Variants in CDK17 observed in about 807,000 individuals in gnomAD.
CDK17 encodes cyclin-dependent kinase 17.
In CDK17, 24 loss-of-function variants were observed where a neutral mutation model predicts 77.6. That is an observed-to-expected ratio of 0.31 (90% CI 0.22 to 0.44). The LOEUF (loss-of-function observed/expected upper bound fraction) is 0.44, where lower values mean the gene tolerates loss of function less well. CDK17 is among the 20% of genes least tolerant of loss of function. The probability of loss-of-function intolerance (pLI) is 1.00; values close to 1 mark genes in which losing one functional copy is unlikely to be tolerated. For synonymous variants in CDK17, 203 were observed against 210.4 expected, an observed-to-expected ratio of 0.96 and a Z score of 0.30; for missense variants, 429 against 622.5, an observed-to-expected ratio of 0.69 and a Z score of 3.31.
intron 16 of CDK17, 47 bp downstream of exon 16, chr12:96,280,761 C>T (rs376468932): frequency 5.0e-5 from 80 of 1,603,406 alleles, no homozygotes; most frequent in Middle Eastern, 1.7e-4. Flanking sequence ...CTTGGTTCCA[C>T]GCAAAAATTC....
chr12:96,394,591 G>C (rs1358259263), intron 1 of CDK17, among the ~76,000 whole-genome samples: 1 of 151,944 alleles, frequency 6.6e-6, no homozygotes, highest in Non-Finnish European at 1.5e-5. Flanking sequence ...GAGGTGCACA[G>C]ATCACCTGAG....
At chr12:96,384,554 C>T (rs1953939951) in intron 1 of CDK17, among the ~76,000 whole-genome samples, 1 of 152,184 alleles carries the variant, frequency 6.6e-6, no homozygotes, top group African/African-American at 2.4e-5. Flanking sequence ...GGTATATACA[C>T]ACCATGGAGT....
chr12:96,290,320 AT>A (rs1215085701), intron 10 of CDK17, among the ~76,000 whole-genome samples: 1 of 152,256 alleles, frequency 6.6e-6, no homozygotes, highest in Non-Finnish European at 1.5e-5. Flanking sequence ...ACTTTAAAAA[AT>A]ATCTGGAAAA....
intron 5 of CDK17, among the ~76,000 whole-genome samples, chr12:96,308,345 A>C (rs2137099650): frequency 6.6e-6 from 1 of 152,118 alleles, no homozygotes; most frequent in East Asian, 1.9e-4. Context: ...CAGGAGTTCA[A>C]GATTACAGTG....
Position 96,334,730 on chromosome 12 carries a change from C to CT in CDK17, c.106dup (p.Ser36LysfsTer4). ...TGCCAAATATTTACCATTATCCTTG[C>CT]TGCTGTTTTCTTCAATAGTCATTTG... On this transcript the variant is annotated frameshift_variant, in exon 2 of 17. Coordinates refer to ENST00000261211, the MANE Select transcript of CDK17 (RefSeq NM_002595.5). LOFTEE classifies it high-confidence loss of function. The CT allele has an allele frequency of 6.3e-7, 1 of 1,574,842 alleles. No individual in the cohort carries two copies. Among genetic ancestry groups the CT allele is most frequent in the Non-Finnish European group, 8.7e-7 (1 of 1,144,902 alleles).
At chr12:96,367,263 T>C (rs1953601341) in intron 1 of CDK17, among the ~76,000 whole-genome samples, 1 of 137,344 alleles carries the variant, frequency 7.3e-6, no homozygotes, top group Non-Finnish European at 1.5e-5. Context: ...GAGAATCACT[T>C]GAGCCTAGGA....
chr12:96,331,005 G>A (rs1952958997), intron 2 of CDK17, among the ~76,000 whole-genome samples: 1 of 152,144 alleles, frequency 6.6e-6, no homozygotes, highest in African/African-American at 2.4e-5. Flanking sequence ...GGAATGCAGG[G>A]GTGCCATCTC....
intron 3 of CDK17, among the ~76,000 whole-genome samples, chr12:96,322,443 A>G (rs1247833559): frequency 2.6e-5 from 4 of 151,962 alleles, no homozygotes; most frequent in Non-Finnish European, 4.4e-5. Flanking sequence ...TATGCAATGG[A>G]GACTGTATGC....
At chr12:96,339,037 C>T (rs888876246) in intron 1 of CDK17, among the ~76,000 whole-genome samples, 1 of 152,058 alleles carries the variant, frequency 6.6e-6, no homozygotes, top group Non-Finnish European at 1.5e-5. Context: ...ACTATACAGA[C>T]ATCACCACTT....
chr12:96,326,217 C>T (rs1952889947), intron 2 of CDK17, among the ~76,000 whole-genome samples: 2 of 152,056 alleles, frequency 1.3e-5, no homozygotes, highest in African/African-American at 4.8e-5. Flanking sequence ...AAATGGGGAT[C>T]ATAAGGACAT....
At chr12:96,385,828 C>T (rs565708022) in intron 1 of CDK17, among the ~76,000 whole-genome samples, 1 of 152,140 alleles carries the variant, frequency 6.6e-6, no homozygotes, top group East Asian at 1.9e-4. Context: ...GAAACAGTAT[C>T]ACTGATAAGA....
At chr12:96,315,274 T>C (rs1273738412) in intron 3 of CDK17, among the ~76,000 whole-genome samples, 1 of 152,248 alleles carries the variant, frequency 6.6e-6, no homozygotes, top group African/African-American at 2.4e-5. Context: ...ATATCAACTC[T>C]ATCTTAAAAC....
At chr12:96,305,999 G>A (rs1467587461) in intron 5 of CDK17, among the ~76,000 whole-genome samples, 3 of 152,142 alleles carry the variant, frequency 2.0e-5, no homozygotes, top group Non-Finnish European at 4.4e-5. Flanking sequence ...TGGGATTACA[G>A]GCATGAGCCA....
At chr12:96,353,864 T>C (rs1424735131) in intron 1 of CDK17, among the ~76,000 whole-genome samples, 1 of 152,114 alleles carries the variant, frequency 6.6e-6, no homozygotes, top group African/African-American at 2.4e-5. Flanking sequence ...GGGAAAAAAG[T>C]AAATTAAGGA....
At position 96,314,541 on chromosome 12, in the gene CDK17, C is replaced by A. The variant is rs189520742; in HGVS notation, c.284-1087G>T. Among the ~76,000 whole-genome samples the A allele has an allele frequency of 4.9e-4, 75 of 152,256 alleles. 1 individual carries two copies. The highest frequency in any genetic ancestry group is 6.8e-3 in the Middle Eastern group (2 of 294). ...GGTCTGATTGCAAAAATTCAAAAAA[C>A]TGCAACTTCAGGAATCCACCCACCT... On this transcript the variant is annotated intron_variant, in intron 3 of 16. Coordinates refer to ENST00000261211, the MANE Select transcript of CDK17 (RefSeq NM_002595.5).
chr12:96,362,548 T>C (rs190371416), intron 1 of CDK17, among the ~76,000 whole-genome samples: 3 of 152,234 alleles, frequency 2.0e-5, no homozygotes, highest in Admixed American at 6.5e-5. Flanking sequence ...AATCTTGGTT[T>C]TGAAAATAAC....
At chr12:96,280,403 C>A in intron 16 of CDK17, 124 bp from the exon 17 acceptor site, 1 of 1,482,266 alleles carries the variant, frequency 6.7e-7, no homozygotes, top group South Asian at 1.4e-5. Flanking sequence ...TAAGAGTGAT[C>A]AGCACTGTCT....
chr12:96,394,161 A>G (rs1954125247), intron 1 of CDK17, among the ~76,000 whole-genome samples: 2 of 151,478 alleles, frequency 1.3e-5, no homozygotes, highest in South Asian at 4.2e-4. Flanking sequence ...CAGGAGAATC[A>G]CTTGAACCCG....
Position 96,368,015 on chromosome 12 carries a change from A to G in CDK17, c.-30+31971T>C, listed in dbSNP as rs375268705. On this transcript the variant is annotated intron_variant, in intron 1 of 16. Coordinates refer to ENST00000261211, the MANE Select transcript of CDK17 (RefSeq NM_002595.5). ...GTAAGAAATGTCACACTGCAGTATG[A>G]TATTTCAAGAAAAGGGTGAGTTTAC... Among the ~76,000 whole-genome samples the G allele has an allele frequency of 2.8e-4, 43 of 152,280 alleles. No individual in the cohort carries two copies. In the South Asian group the frequency reaches 8.5e-3, roughly 30 times the overall value.
Sources: gnomAD v4.1 joint callset for allele counts (sites outside exome capture counted in the v4.1 genomes callset) on GRCh38, gnomAD v4.1.1 for gene constraint, MANE v1.5 for transcripts, NCBI Gene and HGNC (gene_info 2026-07-23, HGNC 2026-07-21) for gene names.